The following MME variants were observed in gnomAD, a reference collection of about 807,000 sequenced individuals.
MME encodes the protein membrane metalloendopeptidase.
A neutral mutation model predicts 113.2 loss-of-function variants in MME; 98 were observed. The ratio of observed to expected loss-of-function variants is 0.87; its 90% CI spans 0.74 to 1.02. The LOEUF is 1.02. Among genes scored for constraint, MME ranks in the 50% least tolerant of loss-of-function variants. The pLI is 0.00. For synonymous variants in MME, 292 were observed against 300.6 expected, an observed-to-expected ratio of 0.97 and a Z score of 0.30; for missense variants, 836 against 896.0, an observed-to-expected ratio of 0.93 and a Z score of 0.86.
At chr3:155,097,939 C>T (rs969023181) in intron 3 of MME, among the ~76,000 whole-genome samples, 1 of 152,076 alleles carries the variant, frequency 6.6e-6, no homozygotes, top group African/African-American at 2.4e-5. Flanking sequence ...CCAGCATCAC[C>T]GATAATGGCT....
chr3:155,116,721 G>T lies in MME; in HGVS notation c.497G>T (p.Gly166Val). ...CTCAAACTGTTACCAGACATATATG[G>T]GTGGCCAGTAGCAACAGAAAACTGG... Reference protein sequence around the residue: ...PLLKLLPDIYGWPVATENWEQ... With the variant: ...PLLKLLPDIYVWPVATENWEQ... Residue 166 changes from glycine (G) to valine (V), a missense_variant, in exon 6 of 23, where the codon GGG (glycine) becomes GTG (valine). Gly to Val is a moderately radical substitution (Grantham distance 109). Transcript: ENST00000360490. The T allele has an allele frequency of 6.2e-7, 1 of 1,613,454 alleles. No individual in the cohort carries two copies. Among genetic ancestry groups the T allele is most frequent in the Non-Finnish European group, 8.5e-7 (1 of 1,179,786 alleles).
At chr3:155,108,665 G>A (rs771469876) in intron 3 of MME, among the ~76,000 whole-genome samples, 35 of 150,780 alleles carry the variant, frequency 2.3e-4, no homozygotes, top group Non-Finnish European at 3.5e-4. Context: ...TATCTATTTT[G>A]TTCATTTGCT....
chr3:155,141,973 A>T lies in MME; in HGVS notation c.958-18A>T, dbSNP rs373924819. On this transcript the variant is annotated intron_variant, in intron 10 of 22. Coordinates refer to ENST00000360490, the MANE Select transcript of MME (RefSeq NM_007289.4). ...GAAATCCACAATTTCTGAATGTTTCATGCCTGCTTTTTTCCAGCCATTCAG... is the reference window on the plus strand; with the variant it reads ...GAAATCCACAATTTCTGAATGTTTCTTGCCTGCTTTTTTCCAGCCATTCAG... 6.2e-7 allele frequency: 1 copy of T among 1,613,262 alleles called. No homozygotes were observed. The highest frequency in any genetic ancestry group is 1.3e-5 in the African/African-American group (1 of 74,898).
At chr3:155,113,653 T>C (rs1718367072) in intron 3 of MME, among the ~76,000 whole-genome samples, 1 of 152,112 alleles carries the variant, frequency 6.6e-6, no homozygotes, top group African/African-American at 2.4e-5. Flanking sequence ...GTGGAAGATG[T>C]GTAGAATATA....
intron 3 of MME, among the ~76,000 whole-genome samples, chr3:155,110,301 T>C (rs767732350): frequency 2.6e-5 from 4 of 152,200 alleles, no homozygotes; most frequent in Non-Finnish European, 4.4e-5. Context: ...CATAATTTAC[T>C]AGCTGCTTGA....
intron 2 of MME, among the ~76,000 whole-genome samples, chr3:155,084,558 G>A (rs138770617): frequency 3.7e-4 from 56 of 152,284 alleles, no homozygotes; most frequent in African/African-American, 1.1e-3. Flanking sequence ...GTGCGCTCAC[G>A]CTTACTTATG....
chr3:155,037,801 C>A (rs9829241), intron 1 of MME, among the ~76,000 whole-genome samples: 5,426 of 152,178 alleles, frequency 0.036, 111 homozygotes, highest in Middle Eastern at 0.095. Flanking sequence ...CAACAGAGGT[C>A]ATTGATGTTC....
In MME at chr3:155,133,062, A is replaced by AATATATATAT. The variant is rs1553762420; in HGVS notation, c.721-5031_721-5022dup. The stretch of plus-strand genomic sequence containing the variant: ...TCTAAAAAAAAAAAAAAAAAAAAAA[A>AATATATATAT]ATATATATATATATATATGTATAAA... On this transcript the variant is annotated intron_variant, in intron 8 of 22. Coordinates refer to ENST00000360490, the MANE Select transcript of MME (RefSeq NM_007289.4). 6.7e-5 allele frequency among the ~76,000 whole-genome samples: 5 copies of AATATATATAT among 75,082 alleles called. 1 individual carries two copies. The highest frequency in any genetic ancestry group is 2.6e-4 in the African/African-American group (4 of 15,228). The allele number at this position is 75,082 out of a possible 152,430, so 49.3% of individuals were successfully genotyped here. A position where few individuals can be genotyped will look rare whatever the true frequency, so the allele number is the denominator to read the frequency against.
At chr3:155,116,585 T>C in intron 5 of MME, 26 bp downstream of exon 5, 3 of 1,469,372 alleles carry the variant, frequency 2.0e-6, no homozygotes, top group Non-Finnish European at 1.9e-6. Flanking sequence ...TTGATTTCAT[T>C]AGGAGTATAT....
At chr3:155,114,655 G>A (rs1490118216) in intron 3 of MME, among the ~76,000 whole-genome samples, 1 of 152,150 alleles carries the variant, frequency 6.6e-6, no homozygotes, top group East Asian at 1.9e-4. Context: ...GCTAACCTCA[G>A]GTGCAGGATG....
intron 16 of MME, among the ~76,000 whole-genome samples, chr3:155,150,742 C>T (rs1721862919): frequency 6.6e-6 from 1 of 152,124 alleles, no homozygotes. Context: ...TGTTATTTCC[C>T]TTTTGTGTGA....
At chr3:155,029,837 A>T (rs1004075307) in intron 1 of MME, among the ~76,000 whole-genome samples, 1 of 152,156 alleles carries the variant, frequency 6.6e-6, no homozygotes, top group Admixed American at 6.6e-5. Context: ...ATTTTCCTCT[A>T]AGCCAATTAA....
At chr3:155,128,691 T>C (rs533343818) in intron 8 of MME, among the ~76,000 whole-genome samples, 1 of 152,188 alleles carries the variant, frequency 6.6e-6, no homozygotes, top group South Asian at 2.1e-4. Context: ...TTTTTTTTTC[T>C]ATAAAACTGT....
chr3:155,168,371 C>T (rs560044949), intron 18 of MME, 121 bp from the exon 19 acceptor site: 3 of 897,678 alleles, frequency 3.3e-6, no homozygotes, highest in East Asian at 5.3e-5. Flanking sequence ...TCTCTCTCAT[C>T]GTCTGCCTAA....
At chr3:155,113,375 G>A (rs1456452557) in intron 3 of MME, among the ~76,000 whole-genome samples, 1 of 152,192 alleles carries the variant, frequency 6.6e-6, no homozygotes. Flanking sequence ...CACCTCCCGA[G>A]TTCAAGCTAT....
intron 3 of MME, chr3:155,089,960 CA>C (rs1161632388): frequency 2.3e-4 from 75 of 324,252 alleles, no homozygotes; most frequent in South Asian, 3.5e-4. Flanking sequence ...ACTCTATCTC[CA>C]AAAAAAAGAA....
At position 155,048,631 on chromosome 3, in the gene MME, T is replaced by C. The variant is rs534623302; in HGVS notation, c.-11+24307T>C. Among the ~76,000 whole-genome samples, 24 of 152,280 alleles carry C rather than the reference T, an allele frequency of 1.6e-4. No homozygotes were observed. In the South Asian group the frequency reaches 4.6e-3, roughly 29 times the overall value. ...TACCTGCATACCGTTTTTTTACACCTGGATCCTCATAAAATTCTTTGTCCT... is the reference window on the plus strand; with the variant it reads ...TACCTGCATACCGTTTTTTTACACCCGGATCCTCATAAAATTCTTTGTCCT... On this transcript the variant is annotated intron_variant, in intron 1 of 22. Coordinates refer to the MME transcript ENST00000492661.
chr3:155,081,015 A>T (rs1715094293), intron 1 of MME: 1 of 152,124 alleles, frequency 6.6e-6, no homozygotes, highest in Admixed American at 6.6e-5. Context: ...CGTGTCCAGA[A>T]CTCCGTATTT....
At chr3:155,143,353 C>T in intron 12 of MME, 90 bp from the exon 13 acceptor site, 1 of 1,462,186 alleles carries the variant, frequency 6.8e-7, no homozygotes, top group Non-Finnish European at 9.5e-7. Context: ...ATTTCAAGAA[C>T]TTAGATGAGA....
Sources: gnomAD v4.1 joint callset for allele counts (sites outside exome capture counted in the v4.1 genomes callset) on GRCh38, gnomAD v4.1.1 for gene constraint, MANE v1.5 for transcripts, NCBI Gene and HGNC (gene_info 2026-07-23, HGNC 2026-07-21) for gene names.